The following LMLN variants were observed in gnomAD, a reference collection of about 807,000 sequenced individuals.
LMLN encodes leishmanolysin-like peptidase.
LMLN carries 70 observed loss-of-function variants against 92.3 expected under a neutral mutation model. That is an observed-to-expected ratio of 0.76 (90% CI 0.63 to 0.92). LMLN has a LOEUF of 0.92. LMLN is among the 40% of genes least tolerant of loss of function. LMLN has a pLI of 0.00. For missense variants in LMLN, 691 were observed against 814.6 expected (o/e 0.85, Z 1.85); for synonymous variants, 308 against 296.2 (o/e 1.04, Z -0.41).
intron 11 of LMLN, among the ~76,000 whole-genome samples, chr3:198,011,088 C>A (rs1722420812): frequency 6.6e-6 from 1 of 151,828 alleles, no homozygotes; most frequent in Non-Finnish European, 1.5e-5. Flanking sequence ...TGTTTTATGG[C>A]CCAAGATATG....
At chr3:197,960,548 T>C (rs1481387581) in intron 1 of LMLN, 108 bp downstream of exon 1, 1 of 1,020,586 alleles carries the variant, frequency 9.8e-7, no homozygotes, top group Non-Finnish European at 1.4e-6. Context: ...GAAAGCGAAA[T>C]TGGGGCAGAG....
At chr3:198,030,761 A>C (rs918704586) in intron 14 of LMLN, among the ~76,000 whole-genome samples, 2 of 152,132 alleles carry the variant, frequency 1.3e-5, no homozygotes, top group African/African-American at 4.8e-5. Context: ...TTTTAATGGA[A>C]CATATCTTCT....
chr3:197,986,381 G>C (rs1221910641), intron 8 of LMLN, among the ~76,000 whole-genome samples: 2 of 152,160 alleles, frequency 1.3e-5, no homozygotes, highest in Non-Finnish European at 2.9e-5. Context: ...GATCAATTCA[G>C]CTCAGGAGGC....
At chr3:198,030,414 C>T (rs576890565) in intron 14 of LMLN, among the ~76,000 whole-genome samples, 4 of 152,292 alleles carry the variant, frequency 2.6e-5, no homozygotes, top group Non-Finnish European at 4.4e-5. Context: ...CCCAGTATTT[C>T]GTTTTCTCTG....
intron 2 of LMLN, 64 bp downstream of exon 2, chr3:197,974,538 C>T: frequency 2.3e-6 from 2 of 868,008 alleles, no homozygotes; most frequent in Non-Finnish European, 3.5e-6. Context: ...ATATTTTTGT[C>T]TGTTACCTGA....
intron 8 of LMLN, among the ~76,000 whole-genome samples, chr3:197,989,934 G>A (rs1275602893): frequency 6.6e-6 from 1 of 152,242 alleles, no homozygotes; most frequent in East Asian, 1.9e-4. Flanking sequence ...GAGTGCGGCT[G>A]TGTGAACATA....
At chr3:198,015,117 TGAC>T (rs1199533291) in intron 11 of LMLN, among the ~76,000 whole-genome samples, 25 of 148,018 alleles carry the variant, frequency 1.7e-4, no homozygotes, top group South Asian at 6.5e-4. Context: ...CTAACTAGTC[TGAC>T]TTCTCTGTAC....
chr3:198,025,077 T>C lies in LMLN; in HGVS notation c.1656+289T>C, dbSNP rs936488263. ...GGTAATTTTGTTCTTGAGCAAATAT[T>C]ACTTTGTAATGGAAAACATGTCAAT... On this transcript the variant is annotated intron_variant, in intron 14 of 15. Coordinates refer to ENST00000330198, the Ensembl canonical transcript of LMLN. The surrounding 1 kb of genome is among the most constrained non-coding windows in gnomAD (Gnocchi z 4.3). Among the ~76,000 whole-genome samples the C allele has an allele frequency of 6.6e-6, 1 of 152,192 alleles. No individual in the cohort carries two copies. The highest frequency in any genetic ancestry group is 6.5e-5 in the Admixed American group (1 of 15,274).
intron 11 of LMLN, among the ~76,000 whole-genome samples, chr3:198,005,091 ATC>A (rs1722255667): frequency 8.1e-5 from 1 of 12,384 alleles, no homozygotes; most frequent in African/African-American, 1.7e-4. Context: ...CTATCTATAT[ATC>A]ATCTATACAG....
intron 14 of LMLN, among the ~76,000 whole-genome samples, chr3:198,034,097 A>G (rs1723147200): frequency 6.6e-6 from 1 of 152,222 alleles, no homozygotes; most frequent in East Asian, 1.9e-4. Flanking sequence ...CAGGTTAGTC[A>G]ACTACCTTTG....
chr3:198,013,173 T>G (rs368286539), intron 11 of LMLN, among the ~76,000 whole-genome samples: 3 of 19,918 alleles, frequency 1.5e-4, no homozygotes, highest in East Asian at 2.7e-3. Flanking sequence ...CTCCACCCTT[T>G]AGAGCCCCCT....
intron 14 of LMLN, among the ~76,000 whole-genome samples, chr3:198,029,648 G>A (rs910687655): frequency 2.6e-5 from 4 of 151,970 alleles, no homozygotes; most frequent in African/African-American, 7.2e-5. Flanking sequence ...ACTCCAGCCC[G>A]GGCAATGGAG....
intron 1 of LMLN, among the ~76,000 whole-genome samples, chr3:197,970,230 T>C (rs914968258): frequency 6.6e-6 from 1 of 152,206 alleles, no homozygotes; most frequent in Admixed American, 6.5e-5. Flanking sequence ...TTGCTTTAAA[T>C]ATTTATTTGT....
chr3:198,024,550 C>A, intron 13 of LMLN, 108 bp from the exon 15 acceptor site: 1 of 1,038,564 alleles, frequency 9.6e-7, no homozygotes. Flanking sequence ...TTCCATGAAA[C>A]ATGTCTGATT....
intron 14 of LMLN, among the ~76,000 whole-genome samples, chr3:198,028,828 T>TA (rs1362978420): frequency 1.3e-5 from 2 of 152,260 alleles, no homozygotes; most frequent in African/African-American, 4.8e-5. Flanking sequence ...CTTCTAAAGA[T>TA]AAACTCTGTG....
At chr3:198,041,587 A>G (rs747480835) in exon 16 of LMLN, 3 of 152,196 alleles carry the variant, frequency 2.0e-5, no homozygotes, top group Admixed American at 6.5e-5. Flanking sequence ...GGTCCCAAGC[A>G]TTTCAGTAAG....
intron 10 of LMLN, among the ~76,000 whole-genome samples, chr3:197,998,093 A>G (rs1029252581): frequency 6.6e-6 from 1 of 152,238 alleles, no homozygotes; most frequent in African/African-American, 2.4e-5. Context: ...CTTGGGCTCC[A>G]CATAGCAGTG....
intron 3 of LMLN, 116 bp from the exon 4 acceptor site, chr3:197,975,913 T>C (rs539251237): frequency 2.0e-5 from 12 of 614,244 alleles, no homozygotes; most frequent in South Asian, 2.3e-5. Context: ...CTAACTAATA[T>C]CTGTATTCCA....
chr3:198,024,617 CAA>C (rs761039447), intron 13 of LMLN, 39 bp from the exon 15 acceptor site: 1 of 1,509,026 alleles, frequency 6.6e-7, no homozygotes, highest in East Asian at 2.5e-5. Context: ...TTCTTTGAGC[CAA>C]AAGTCAATTT....
Sources: gnomAD v4.1 joint callset for allele counts (sites outside exome capture counted in the v4.1 genomes callset) on GRCh38, gnomAD v4.1.1 for gene constraint, Gnocchi (gnomAD v3.1) non-coding constraint, MANE v1.5 for transcripts, NCBI Gene and HGNC (gene_info 2026-07-23, HGNC 2026-07-21) for gene names.